The following DOK6 variants were observed in gnomAD, a reference collection of about 807,000 sequenced individuals.
The protein encoded by DOK6 is downstream of tyrosine kinase 6.
A neutral mutation model predicts 44.0 loss-of-function variants in DOK6; 22 were observed. That is an observed-to-expected ratio of 0.50 (90% CI 0.36 to 0.71). DOK6 has a LOEUF of 0.71. Among genes scored for constraint, DOK6 ranks in the 30% least tolerant of loss-of-function variants. DOK6 has a pLI of 0.00. For synonymous variants in DOK6, 166 were observed against 145.5 expected, an observed-to-expected ratio of 1.14 and a Z score of -1.01; for missense variants, 340 against 416.4, an observed-to-expected ratio of 0.82 and a Z score of 1.60.
chr18:69,757,205 G>A (rs1979383788), intron 6 of DOK6, among the ~76,000 whole-genome samples: 2 of 152,108 alleles, frequency 1.3e-5, no homozygotes, highest in Non-Finnish European at 2.9e-5. Flanking sequence ...ACAGGGGCAA[G>A]GAAAAAGGTC....
chr18:69,804,925 G>A (rs1359862709), intron 7 of DOK6, among the ~76,000 whole-genome samples: 3 of 152,120 alleles, frequency 2.0e-5, no homozygotes, highest in East Asian at 1.9e-4. Context: ...GGGAGTATAT[G>A]CCCTGTTGGA....
At chr18:69,715,859 A>T (rs1483071556) in intron 5 of DOK6, among the ~76,000 whole-genome samples, 1 of 152,214 alleles carries the variant, frequency 6.6e-6, no homozygotes, top group Non-Finnish European at 1.5e-5. Context: ...AGGCTGATGA[A>T]GGAAGTGATT....
chr18:69,762,816 T>C (rs1049032981), intron 7 of DOK6, among the ~76,000 whole-genome samples: 4 of 152,324 alleles, frequency 2.6e-5, no homozygotes, highest in East Asian at 1.9e-4. Flanking sequence ...TTCATTTCTC[T>C]CATCCATTGC....
intron 3 of DOK6, among the ~76,000 whole-genome samples, chr18:69,616,854 A>G (rs1771016934): frequency 6.6e-6 from 1 of 152,222 alleles, no homozygotes; most frequent in Admixed American, 6.5e-5. Flanking sequence ...AGCAAAAAAA[A>G]TGGTTTGAAT....
At chr18:69,585,510 A>C (rs1265940284) in intron 2 of DOK6, among the ~76,000 whole-genome samples, 1 of 152,222 alleles carries the variant, frequency 6.6e-6, no homozygotes, top group East Asian at 1.9e-4. Flanking sequence ...AAAATAGCTT[A>C]ACCGTTTTTT....
chr18:69,606,494 A>C (rs1983999108), intron 3 of DOK6, among the ~76,000 whole-genome samples: 1 of 152,052 alleles, frequency 6.6e-6, no homozygotes, highest in East Asian at 1.9e-4. Flanking sequence ...ATGTGGTACA[A>C]GGCAAGGATG....
At chr18:69,449,061 A>G (rs536031550) in intron 1 of DOK6, among the ~76,000 whole-genome samples, 1 of 152,336 alleles carries the variant, frequency 6.6e-6, no homozygotes, top group East Asian at 1.9e-4. Flanking sequence ...ATTTGTACAT[A>G]TGTTCATCCT....
At chr18:69,805,134 G>A (rs1981018076) in intron 7 of DOK6, among the ~76,000 whole-genome samples, 1 of 152,174 alleles carries the variant, frequency 6.6e-6, no homozygotes. Context: ...ATGATTAAGA[G>A]CTATCAATAA....
chr18:69,548,127 G>A (rs1334279349), intron 1 of DOK6, among the ~76,000 whole-genome samples: 1 of 150,320 alleles, frequency 6.7e-6, no homozygotes, highest in Non-Finnish European at 1.5e-5. Context: ...CTAATTTTTT[G>A]TATTTTTAGT....
At chr18:69,598,003 C>T (rs936449977) in intron 2 of DOK6, among the ~76,000 whole-genome samples, 1 of 152,162 alleles carries the variant, frequency 6.6e-6, no homozygotes, top group African/African-American at 2.4e-5. Context: ...TCTCTGTAGT[C>T]TCCATTCCAA....
chr18:69,449,412 G>C (rs1318175419), intron 1 of DOK6, among the ~76,000 whole-genome samples: 3 of 152,094 alleles, frequency 2.0e-5, no homozygotes, highest in African/African-American at 7.2e-5. Flanking sequence ...AAAGAAAATA[G>C]CTAGATAATA....
intron 1 of DOK6, among the ~76,000 whole-genome samples, chr18:69,552,531 T>C (rs1161287987): frequency 1.3e-5 from 2 of 152,206 alleles, no homozygotes; most frequent in Admixed American, 6.5e-5. Context: ...ATATTATACA[T>C]GTGTATTTAT....
chr18:69,640,752 G>A (rs1984920063), intron 3 of DOK6, among the ~76,000 whole-genome samples: 1 of 152,104 alleles, frequency 6.6e-6, no homozygotes, highest in Non-Finnish European at 1.5e-5. Flanking sequence ...ACCATATAAG[G>A]AAATAAAACT....
At chr18:69,729,359 A>T (rs1193286460) in intron 5 of DOK6, among the ~76,000 whole-genome samples, 1 of 152,104 alleles carries the variant, frequency 6.6e-6, no homozygotes, top group Non-Finnish European at 1.5e-5. Flanking sequence ...TCATTACCTG[A>T]ATTAGCATCA....
rs111360276 is a variant in DOK6, at chr18:69,774,133, G to GATATATATATATATATATATATATATAT, written c.856+16283_856+16284insTATATATATATATATATATATATATATA. 4.9e-3 allele frequency among the ~76,000 whole-genome samples: 329 copies of GATATATATATATATATATATATATATAT among 66,806 alleles called. 28 individuals are homozygous for GATATATATATATATATATATATATATAT. Among genetic ancestry groups the GATATATATATATATATATATATATATAT allele is most frequent in the East Asian group, 9.7e-3 (14 of 1,436 alleles). The allele number at this position is 66,806 out of a possible 152,430, so 43.8% of individuals were successfully genotyped here. The stretch of plus-strand genomic sequence containing the variant: ...TAGATTTATATAGATATATATATGA[G>GATATATATATATATATATATATATATAT]ATATATATATATATATATATATAAT... On this transcript the variant is annotated intron_variant, in intron 7 of 7. Transcript: ENST00000382713.
rs1167985373 is a variant in DOK6 at position 69,434,954 on chromosome 18, G to GGGAA, written c.66+33669_66+33672dup. Among the ~76,000 whole-genome samples the GGGAA allele has an allele frequency of 4.5e-3, 283 of 62,962 alleles. 6 individuals carry two copies. Among genetic ancestry groups the GGGAA allele is most frequent in the African/African-American group, 7.9e-3 (152 of 19,126 alleles). 41.3% of individuals were successfully genotyped at this position (62,962 alleles called of 152,430 possible). A position where few individuals can be genotyped will look rare whatever the true frequency, so the allele number is the denominator to read the frequency against. ...AGGGAGGGAGGGAGGGAGGGAGGGA[G>GGGAA]GGAAGGAAGGAAGGAAGGAAGGAAG... is the stretch of plus-strand genomic sequence containing the variant. On this transcript the variant is annotated intron_variant, in intron 1 of 7. Transcript: ENST00000382713.
chr18:69,657,574 A>G (rs1487769764), intron 3 of DOK6, among the ~76,000 whole-genome samples: 2 of 152,224 alleles, frequency 1.3e-5, no homozygotes, highest in Admixed American at 6.5e-5. Context: ...ATAACAGGCG[A>G]AAGCTACCAA....
chr18:69,584,190 A>G (rs1390722790), intron 2 of DOK6, among the ~76,000 whole-genome samples: 1 of 152,080 alleles, frequency 6.6e-6, no homozygotes, highest in Non-Finnish European at 1.5e-5. Context: ...TATCAAACGA[A>G]TTTAGTAAAG....
chr18:69,587,881 T>C (rs1050597297), intron 2 of DOK6, among the ~76,000 whole-genome samples: 1 of 152,156 alleles, frequency 6.6e-6, no homozygotes, highest in Non-Finnish European at 1.5e-5. Context: ...ATATAGATTG[T>C]CTTTCTGTTT....
Sources: allele counts gnomAD v4.1 joint callset (sites outside exome capture counted in the v4.1 genomes callset), GRCh38; gene constraint gnomAD v4.1.1; transcripts MANE v1.5; gene names NCBI Gene and HGNC (gene_info 2026-07-23, HGNC 2026-07-21).